Variants in TASOR2 observed in about 807,000 individuals in gnomAD.
TASOR2 encodes the protein protein TASOR 2.
In TASOR2, 84 loss-of-function variants were observed where a neutral mutation model predicts 199.5. That is an observed-to-expected ratio of 0.42 (90% CI 0.35 to 0.50). TASOR2 has a LOEUF of 0.50. Among genes scored for constraint, TASOR2 ranks in the 20% least tolerant of loss-of-function variants. The pLI, the probability that TASOR2 is intolerant of heterozygous loss-of-function variation, is 0.02. For synonymous variants in TASOR2, 1,103 were observed against 1,046.6 expected, an observed-to-expected ratio of 1.05 and a Z score of -1.04; for missense variants, 2,796 against 2,835.9, an observed-to-expected ratio of 0.99 and a Z score of 0.32.
intron 14 of TASOR2, among the ~76,000 whole-genome samples, chr10:5,743,484 G>A (rs138620727): frequency 6.6e-6 from 1 of 152,272 alleles, no homozygotes; most frequent in East Asian, 1.9e-4. Context: ...CTAAAGCATA[G>A]AGAAGTAAAG....
chr10:5,728,220 CAAA>C (rs71388473), intron 10 of TASOR2, among the ~76,000 whole-genome samples: 201 of 134,374 alleles, frequency 1.5e-3, no homozygotes, highest in Middle Eastern at 3.8e-3. Context: ...GACCCTGTTT[CAAA>C]AAAAAAAAAA....
At chr10:5,763,153 C>G in exon 21 of TASOR2, 2 of 940,854 alleles carry the variant, frequency 2.1e-6, no homozygotes, top group Non-Finnish European at 3.2e-6. Flanking sequence ...AACCAATGTT[C>G]TACAACTTGG....
chr10:5,746,959 A>T (rs752318070), exon 15 of TASOR2: 1 of 1,614,038 alleles, frequency 6.2e-7, no homozygotes, highest in Non-Finnish European at 8.5e-7. Context: ...AGTGAGATGC[A>T]CTCAGGATTT....
intron 3 of TASOR2, among the ~76,000 whole-genome samples, chr10:5,718,728 C>T (rs1832972643): frequency 6.7e-6 from 1 of 148,768 alleles, no homozygotes; most frequent in Admixed American, 6.7e-5. Flanking sequence ...CACTGCACTC[C>T]ATCCTGGGTA....
chr10:5,713,236 C>T (rs1267117159), intron 2 of TASOR2, among the ~76,000 whole-genome samples: 3 of 152,020 alleles, frequency 2.0e-5, no homozygotes, highest in Non-Finnish European at 2.9e-5. Flanking sequence ...TCTGGATTAT[C>T]GTTTAATCGA....
rs1468804974 is a variant in TASOR2, at chr10:5,742,560, T to C, written c.2757+34T>C. On this transcript the variant is annotated intron_variant, in intron 14 of 20. Coordinates refer to ENST00000328090, the Ensembl canonical transcript of TASOR2. This position sits in a 1 kb window ranked among gnomAD's most constrained non-coding sequence, Gnocchi z 4.2. The stretch of plus-strand genomic sequence containing the variant: ...AGCTGAATACCGTTAAATGTTGGCA[T>C]TATTTTTGAAGAAAAAAATGTTTAT... 1 of 1,558,402 alleles carries C rather than the reference T, an allele frequency of 6.4e-7. No homozygotes were observed. Among genetic ancestry groups the C allele is most frequent in the Non-Finnish European group, 8.7e-7 (1 of 1,153,268 alleles).
At chr10:5,757,554 G>A (rs763778037) in exon 17 of TASOR2, 2 of 1,611,232 alleles carry the variant, frequency 1.2e-6, no homozygotes, top group Admixed American at 1.7e-5. Context: ...CATTTCCCCA[G>A]TGTCATCTTT....
chr10:5,756,912 T>C (rs1394187406), intron 16 of TASOR2, among the ~76,000 whole-genome samples, 174 bp downstream of exon 17: 1 of 152,194 alleles, frequency 6.6e-6, no homozygotes, highest in Non-Finnish European at 1.5e-5. Context: ...AAGTTATTTG[T>C]AGGGCAGATG....
chr10:5,753,535 TTG>T (rs917207136), intron 15 of TASOR2, among the ~76,000 whole-genome samples: 5 of 152,136 alleles, frequency 3.3e-5, no homozygotes, highest in African/African-American at 1.2e-4. Context: ...GCTAATTTTT[TTG>T]TGTTTTTTAG....
At chr10:5,692,359 G>A (rs756992274) in intron 1 of TASOR2, among the ~76,000 whole-genome samples, 1 of 152,192 alleles carries the variant, frequency 6.6e-6, no homozygotes, top group Admixed American at 6.5e-5. Context: ...GAGATTGATA[G>A]ATATCCTTAC....
intron 1 of TASOR2, among the ~76,000 whole-genome samples, chr10:5,703,009 A>G (rs568642717): frequency 6.6e-6 from 1 of 152,292 alleles, no homozygotes; most frequent in Non-Finnish European, 1.5e-5. Flanking sequence ...TGTGCTGCCA[A>G]GGTGTCCTTT....
At chr10:5,692,151 A>AAAG (rs1836507955) in intron 1 of TASOR2, among the ~76,000 whole-genome samples, 1 of 145,710 alleles carries the variant, frequency 6.9e-6, no homozygotes, top group South Asian at 2.1e-4. Flanking sequence ...CTCTGTCTCA[A>AAAG]AAAAAAAAAA....
chr10:5,715,396 A>C (rs576839534), intron 2 of TASOR2, among the ~76,000 whole-genome samples: 1 of 152,192 alleles, frequency 6.6e-6, no homozygotes, highest in South Asian at 2.1e-4. Flanking sequence ...CCCATTCTCT[A>C]CCATCTCTGC....
intron 2 of TASOR2, among the ~76,000 whole-genome samples, chr10:5,714,747 G>C (rs1325372762): frequency 1.3e-5 from 2 of 152,172 alleles, no homozygotes; most frequent in Non-Finnish European, 2.9e-5. Flanking sequence ...AGTGAGACTG[G>C]AAAGTGTTTA....
chr10:5,727,017 A>T, intron 9 of TASOR2, 44 bp from the exon 11 acceptor site: 2 of 1,613,700 alleles, frequency 1.2e-6, no homozygotes, highest in Non-Finnish European at 1.7e-6. Context: ...GCTTTATAAG[A>T]TCAACAACCT....
At chr10:5,715,338 C>T (rs1564283306) in intron 2 of TASOR2, among the ~76,000 whole-genome samples, 1 of 151,562 alleles carries the variant, frequency 6.6e-6, no homozygotes, top group African/African-American at 2.4e-5. Context: ...AATTTTAGAC[C>T]ATTTTTTTCA....
intron 8 of TASOR2, 60 bp from the exon 10 acceptor site, chr10:5,726,825 G>T: frequency 6.9e-7 from 1 of 1,444,594 alleles, no homozygotes; most frequent in Middle Eastern, 1.8e-4. Flanking sequence ...AGTATGGGTA[G>T]AGGGAGAAGA....
chr10:5,687,348 C>A lies in TASOR2; in HGVS notation c.-288+2173C>A, dbSNP rs1478314742. ...ACAGTTTTATCACCTATATAGATAT[C>A]CTTAACTAGCATTGTTTACTCTTAC... On this transcript the variant is annotated intron_variant, in intron 1 of 20. Transcript: ENST00000328090. The surrounding 1 kb of genome is among the most constrained non-coding windows in gnomAD (Gnocchi z 4.8). Among the ~76,000 whole-genome samples the A allele has an allele frequency of 2.6e-5, 4 of 152,132 alleles. No homozygotes were observed. Among genetic ancestry groups the A allele is most frequent in the African/African-American group, 9.7e-5 (4 of 41,398 alleles).
Position 5,694,858 on chromosome 10 carries a change from A to G in TASOR2, c.-288+9683A>G, listed in dbSNP as rs577230250. Among the ~76,000 whole-genome samples the G allele has an allele frequency of 1.3e-3, 191 of 152,214 alleles. 1 individual carries two copies. Among genetic ancestry groups the G allele is most frequent in the African/African-American group, 3.9e-3 (162 of 41,534 alleles). ...CCTTTGTGGTTTTTTATTTTGACCT[A>G]TTAGTATGGTTAAATTTATGGATTT... is the stretch of plus-strand genomic sequence containing the variant. On this transcript the variant is annotated intron_variant, in intron 1 of 20. Coordinates refer to ENST00000328090, the Ensembl canonical transcript of TASOR2.
Sources: allele counts gnomAD v4.1 joint callset (sites outside exome capture counted in the v4.1 genomes callset), GRCh38; gene constraint gnomAD v4.1.1; non-coding constraint Gnocchi (gnomAD v3.1); transcripts MANE v1.5; gene names NCBI Gene and HGNC (gene_info 2026-07-23, HGNC 2026-07-21).